IFT80: variants seen among roughly 807,000 people sequenced by gnomAD.
IFT80 encodes the protein intraflagellar transport 80, also known as intraflagellar transport protein 80 homolog.
A neutral mutation model predicts 107.9 loss-of-function variants in IFT80; 79 were observed. The observed-to-expected ratio is 0.73, with a 90% CI of 0.61 to 0.88. The LOEUF (loss-of-function observed/expected upper bound fraction) is 0.88, where lower values mean the gene tolerates loss of function less well. Among genes scored for constraint, IFT80 ranks in the 40% least tolerant of loss-of-function variants. The pLI, the probability that IFT80 is intolerant of heterozygous loss-of-function variation, is 0.00. For synonymous variants in IFT80, 299 were observed against 300.9 expected (o/e 0.99, Z 0.07); for missense variants, 797 against 914.2 (o/e 0.87, Z 1.65).
chr3:160,261,253 T>C (rs1712801074), intron 19 of IFT80, among the ~76,000 whole-genome samples: 1 of 152,038 alleles, frequency 6.6e-6, no homozygotes. Flanking sequence ...CACCTTCGGC[T>C]GTTTTCAGTC....
chr3:160,397,716 C>T (rs1280512066), intron 1 of IFT80, among the ~76,000 whole-genome samples: 9 of 96,578 alleles, frequency 9.3e-5, no homozygotes, highest in South Asian at 6.7e-4. Flanking sequence ...TTGGTCTATA[C>T]TTTTTTTTTT....
chr3:160,275,181 A>G (rs1041442909), intron 18 of IFT80, among the ~76,000 whole-genome samples: 19 of 152,206 alleles, frequency 1.2e-4, no homozygotes, highest in Non-Finnish European at 1.5e-4. Context: ...TAACCACTGA[A>G]TAAGTGGAGG....
chr3:160,360,731 A>G (rs1296751161), intron 6 of IFT80, among the ~76,000 whole-genome samples: 2 of 152,202 alleles, frequency 1.3e-5, no homozygotes, highest in East Asian at 1.9e-4. Context: ...AGAATTTTCA[A>G]CCCTGAATTT....
intron 8 of IFT80, among the ~76,000 whole-genome samples, chr3:160,354,285 T>C (rs1720910083): frequency 6.6e-6 from 1 of 152,070 alleles, no homozygotes; most frequent in Admixed American, 6.6e-5. Context: ...TAGAAAAATA[T>C]ACAAACAAAC....
At chr3:160,284,721 C>T (rs1714958649) in intron 13 of IFT80, among the ~76,000 whole-genome samples, 1 of 152,002 alleles carries the variant, frequency 6.6e-6, no homozygotes, top group African/African-American at 2.4e-5. Flanking sequence ...AATGTTATAC[C>T]ATACAGTGGG....
intron 8 of IFT80, among the ~76,000 whole-genome samples, chr3:160,327,503 G>C (rs1352311390): frequency 1.3e-5 from 2 of 152,208 alleles, no homozygotes; most frequent in African/African-American, 2.4e-5. Flanking sequence ...GAACAGAATA[G>C]AGAACCTAGA....
rs1302181621 is a variant in IFT80, at chr3:160,280,754, T to G, written c.1577A>C (p.Asp526Ala). 6.2e-7 allele frequency: 1 copy of G among 1,612,864 alleles called. No homozygotes were observed. Among genetic ancestry groups the G allele is most frequent in the African/African-American group, 1.3e-5 (1 of 74,900 alleles). The change falls in exon 15 of 20, where the codon GAT (aspartate) becomes GCT (alanine). Residue 526 changes from aspartate to alanine, a missense_variant. Transcript: ENST00000326448. Reference protein sequence around the residue: ...DTCNILCGLQDTRFIVWYYPN... With the variant: ...DTCNILCGLQATRFIVWYYPN... The stretch of plus-strand genomic sequence containing the variant: ...GTAATACCACACTATAAATCGAGTA[T>G]CTTGAAGTCCACAAAGGATATTGCA...
intron 9 of IFT80, among the ~76,000 whole-genome samples, chr3:160,310,850 T>C (rs1039832110): frequency 1.3e-5 from 2 of 152,150 alleles, no homozygotes; most frequent in Non-Finnish European, 2.9e-5. Flanking sequence ...TTAATTGTAA[T>C]CAAGGCTGGG....
At chr3:160,289,208 C>A (rs1050999809) in intron 12 of IFT80, among the ~76,000 whole-genome samples, 3 of 152,088 alleles carry the variant, frequency 2.0e-5, no homozygotes, top group African/African-American at 4.8e-5. Context: ...AATGCAGAAA[C>A]AGAAAACCAA....
chr3:160,306,103 A>C lies in IFT80; in HGVS notation c.1076+1560T>G, dbSNP rs534375955. On this transcript the variant is annotated intron_variant, in intron 10 of 19. Coordinates refer to ENST00000326448, the MANE Select transcript of IFT80 (RefSeq NM_020800.3). ...CCTGGTATTAATATTTTGTACCTTA[A>C]TATGTGTACCTTAATAATCTTGACA... is the stretch of plus-strand genomic sequence containing the variant. Among the ~76,000 whole-genome samples, 23 of 152,272 alleles carry C rather than the reference A, an allele frequency of 1.5e-4. 1 individual carries two copies. The South Asian group carries it at 2.7e-3, about 18-fold the overall frequency.
intron 9 of IFT80, among the ~76,000 whole-genome samples, chr3:160,317,545 T>C (rs1378373305): frequency 6.6e-6 from 1 of 152,086 alleles, no homozygotes; most frequent in Non-Finnish European, 1.5e-5. Context: ...ATATTAGCTA[T>C]AAATATAATA....
chr3:160,303,933 AAACT>A lies in IFT80; in HGVS notation c.1129_1132del (p.Ser377Ter), dbSNP rs777307852. 2 of 1,610,682 alleles carry A rather than the reference AAACT, an allele frequency of 1.2e-6. No homozygotes were observed. Among genetic ancestry groups the A allele is most frequent in the Non-Finnish European group, 1.7e-6 (2 of 1,177,150 alleles). ...AAATTACCTTTCTGCCTGCAGAATC[AAACT>A]AACAGTTCCTTCTTTGAGATCAAAT... On this transcript the variant is annotated frameshift_variant, in exon 11 of 20. Coordinates refer to ENST00000326448, the MANE Select transcript of IFT80 (RefSeq NM_020800.3). LOFTEE classifies it high-confidence loss of function.
intron 9 of IFT80, among the ~76,000 whole-genome samples, chr3:160,317,481 G>A (rs1445919893): frequency 1.3e-5 from 2 of 151,840 alleles, no homozygotes; most frequent in Non-Finnish European, 2.9e-5. Context: ...TCTAGATATG[G>A]TCTCATGTTG....
At chr3:160,326,419 A>G (rs1411689196) in intron 8 of IFT80, among the ~76,000 whole-genome samples, 2 of 152,186 alleles carry the variant, frequency 1.3e-5, no homozygotes, top group Admixed American at 6.5e-5. Context: ...CAATGCAATA[A>G]TCCTCAACAA....
chr3:160,384,158 T>G (rs747518412), intron 2 of IFT80: 158 of 184,892 alleles, frequency 8.5e-4, no homozygotes, highest in Non-Finnish European at 1.3e-3. Context: ...GGCAGGAGAA[T>G]CACTTGAACC....
At chr3:160,276,790 T>C (rs994947000) in intron 18 of IFT80, among the ~76,000 whole-genome samples, 1 of 152,222 alleles carries the variant, frequency 6.6e-6, no homozygotes, top group Non-Finnish European at 1.5e-5. Context: ...ATTTGGTGTC[T>C]TTCTTTCCTT....
chr3:160,285,979 A>C, intron 12 of IFT80, 111 bp from the exon 13 acceptor site: 2 of 714,574 alleles, frequency 2.8e-6, no homozygotes, highest in South Asian at 1.8e-5. Flanking sequence ...TCTAGACCAC[A>C]GAGAGAGCAG....
chr3:160,319,780 T>C lies in IFT80; in HGVS notation c.937A>G (p.Thr313Ala), dbSNP rs146065418. ...WEWKNFQVTL[T>A]KRRAMQVRNV... Reference sequence around the variant, plus strand: ...AATACCTGCATGGCTCTTCTTTTCGTTAATGTTACTTGAAAATTTTTCCAC... The same window carrying C: ...AATACCTGCATGGCTCTTCTTTTCGCTAATGTTACTTGAAAATTTTTCCAC... Residue 313 changes from threonine to alanine, a missense_variant, in exon 9 of 20, where the codon ACG (threonine) becomes GCG (alanine). Transcript: ENST00000326448. 571 of 1,612,966 alleles carry C rather than the reference T, an allele frequency of 3.5e-4. 2 individuals are homozygous for C. In the African/African-American group the frequency reaches 7.0e-3, roughly 20 times the overall value.
chr3:160,292,727 C>T (rs947987238), intron 12 of IFT80, among the ~76,000 whole-genome samples: 4 of 152,046 alleles, frequency 2.6e-5, no homozygotes, highest in Non-Finnish European at 4.4e-5. Flanking sequence ...GCGCCCGCCT[C>T]GGCCTCCTTT....
Sources: allele counts gnomAD v4.1 joint callset (sites outside exome capture counted in the v4.1 genomes callset), GRCh38; gene constraint gnomAD v4.1.1; transcripts MANE v1.5; gene names NCBI Gene and HGNC (gene_info 2026-07-23, HGNC 2026-07-21).